SLC25A32: variants seen among roughly 807,000 people sequenced by gnomAD.
SLC25A32 encodes the protein solute carrier family 25 member 32.
In SLC25A32, 32 loss-of-function variants were observed where a neutral mutation model predicts 39.0. That is an observed-to-expected ratio of 0.82 (90% CI 0.62 to 1.10). SLC25A32 has a LOEUF of 1.10. SLC25A32 is among the 50% of genes least tolerant of loss of function. SLC25A32 has a pLI of 0.00. For missense variants in SLC25A32, 367 were observed against 395.3 expected (o/e 0.93, Z 0.61); for synonymous variants, 166 against 152.4 (o/e 1.09, Z -0.66).
At chr8:103,402,103 C>T (rs1586110694) in intron 4 of SLC25A32, 49 bp from the exon 5 acceptor site, 1 of 1,251,532 alleles carries the variant, frequency 8.0e-7, no homozygotes, top group South Asian at 1.4e-5. Context: ...GTTTGAAGAA[C>T]AATATATTTA....
In SLC25A32 at chr8:103,404,825, T is replaced by A. The variant is rs1282520980; in HGVS notation, c.342A>T (p.Arg114Ser). The change falls in exon 3 of 7, where the codon AGA becomes AGT. Residue 114 changes from arginine to serine, a missense_variant. Coordinates refer to ENST00000297578, the MANE Select transcript of SLC25A32 (RefSeq NM_030780.5). ...ATTCTGTTGCCTCTAAACGTTCAGCTCTTCCTTCTGTTTTATATGACTTGA... is the reference window on the plus strand; with the variant it reads ...ATTCTGTTGCCTCTAAACGTTCAGCACTTCCTTCTGTTTTATATGACTTGA... ...NAIKSYKTEG[R>S]AERLEATEYL... 1 of 1,613,360 alleles carries A rather than the reference T, an allele frequency of 6.2e-7. No individual in the cohort carries two copies. The highest frequency in any genetic ancestry group is 1.1e-5 in the South Asian group (1 of 91,048).
At chr8:103,411,546 C>G (rs1157322426) in intron 1 of SLC25A32, among the ~76,000 whole-genome samples, 2 of 152,164 alleles carry the variant, frequency 1.3e-5, no homozygotes, top group Non-Finnish European at 2.9e-5. Flanking sequence ...TTAGGAACCC[C>G]TTAATACACC....
At chr8:103,414,652 G>A (rs1028800984) in intron 1 of SLC25A32, 132 bp downstream of exon 1, 2 of 1,311,016 alleles carry the variant, frequency 1.5e-6, no homozygotes, top group Non-Finnish European at 2.1e-6. Flanking sequence ...CTCAAATCTA[G>A]TTCAGGTTAG....
chr8:103,411,543 C>T (rs1434563170), intron 1 of SLC25A32, among the ~76,000 whole-genome samples: 4 of 152,154 alleles, frequency 2.6e-5, no homozygotes, highest in Non-Finnish European at 4.4e-5. Flanking sequence ...TTCTTAGGAA[C>T]CCCTTAATAC....
chr8:103,407,530 T>C, intron 2 of SLC25A32, 104 bp downstream of exon 2: 1 of 947,096 alleles, frequency 1.1e-6, no homozygotes, highest in Non-Finnish European at 1.5e-6. Flanking sequence ...TCAGAGAAAC[T>C]GATTAAATGA....
intron 1 of SLC25A32, 132 bp downstream of exon 1, chr8:103,414,652 G>C (rs1028800984): frequency 7.6e-7 from 1 of 1,311,016 alleles, no homozygotes; most frequent in African/African-American, 1.5e-5. Flanking sequence ...CTCAAATCTA[G>C]TTCAGGTTAG....
chr8:103,400,229 A>G lies in SLC25A32; in HGVS notation c.*182T>C, dbSNP rs150587243. On this transcript the variant is annotated 3_prime_UTR_variant, in exon 7 of 7. Transcript: ENST00000297578. ...GCAGAGGTAGCCAAGTTCCATATAT[A>G]TGGGGAAGGCAAAAAGCAAGAAAAA... 5 of 546,864 alleles carry G rather than the reference A, an allele frequency of 9.1e-6. No individual in the cohort carries two copies. Among genetic ancestry groups the G allele is most frequent in the South Asian group, 4.5e-5 (2 of 44,758 alleles). The allele number at this position is 546,864 out of a possible 1,614,324, so 33.9% of individuals were successfully genotyped here. A position where few individuals can be genotyped will look rare whatever the true frequency, so the allele number is the denominator to read the frequency against.
At chr8:103,411,920 C>T (rs979747210) in intron 1 of SLC25A32, among the ~76,000 whole-genome samples, 7 of 152,186 alleles carry the variant, frequency 4.6e-5, no homozygotes, top group Admixed American at 1.3e-4. Flanking sequence ...TTTAGCTATA[C>T]CAAACTACCC....
intron 3 of SLC25A32, among the ~76,000 whole-genome samples, 159 bp from the exon 4 acceptor site, chr8:103,403,483 G>C (rs1816264199): frequency 6.6e-6 from 1 of 151,190 alleles, no homozygotes. Context: ...CTGAGGCACA[G>C]TCTTAGGGTC....
In SLC25A32 at chr8:103,403,307, T is replaced by G; in HGVS notation, c.409A>C (p.Ile137Leu). The change falls in exon 4 of 7, where the codon ATT becomes CTT. Residue 137 changes from isoleucine to leucine, a missense_variant. Ile to Leu is a conservative substitution (Grantham distance 5). Coordinates refer to ENST00000297578, the MANE Select transcript of SLC25A32 (RefSeq NM_030780.5). Reference protein sequence around the residue: ...AAEAGAMTLCITNPLWVTKTR... With the variant: ...AAEAGAMTLCLTNPLWVTKTR... ...TTTGTTACCCATAATGGGTTTGTAA[T>G]GCAGAGGGTCATGGCTCCTAAAATG... 1 of 1,609,872 alleles carries G rather than the reference T, an allele frequency of 6.2e-7. No individual in the cohort carries two copies. Among genetic ancestry groups the G allele is most frequent in the South Asian group, 1.1e-5 (1 of 90,576 alleles).
chr8:103,405,833 C>G (rs1816318527), intron 2 of SLC25A32, among the ~76,000 whole-genome samples: 1 of 151,816 alleles, frequency 6.6e-6, no homozygotes, highest in Non-Finnish European at 1.5e-5. Flanking sequence ...CAGACTAATT[C>G]TTTTTTAAAT....
At chr8:103,411,788 A>AC (rs1331463976) in intron 1 of SLC25A32, among the ~76,000 whole-genome samples, 1 of 152,214 alleles carries the variant, frequency 6.6e-6, no homozygotes, top group Non-Finnish European at 1.5e-5. Flanking sequence ...ATCCTGCCCT[A>AC]CTAAGGGTTG....
chr8:103,407,841 T>C (rs547006991), intron 1 of SLC25A32, 57 bp from the exon 2 acceptor site: 2 of 1,469,804 alleles, frequency 1.4e-6, no homozygotes, highest in Non-Finnish European at 1.9e-6. Context: ...CTGTATCACA[T>C]ATAAACACAG....
chr8:103,400,447 T>C lies in SLC25A32; in HGVS notation c.912A>G (p.Ser304=), dbSNP rs1436244556. 5.0e-6 allele frequency: 8 copies of C among 1,614,076 alleles called. No homozygotes were observed. Among genetic ancestry groups the C allele is most frequent in the African/African-American group, 1.3e-5 (1 of 74,952 alleles). ...CITFVVYENV[S]HFLLDLREKR... ...TTTCTCTAAGGTCAAGTAAAAAATG[T>C]GAGACGTTTTCATATACCACAAAGG... Residue 304 remains serine (S), a synonymous_variant, in exon 7 of 7, where the codon TCA becomes TCG. Coordinates refer to ENST00000297578, the MANE Select transcript of SLC25A32 (RefSeq NM_030780.5).
chr8:103,415,015 C>T lies in SLC25A32; in HGVS notation c.-78G>A, dbSNP rs752932122. ...GATGCAGTGGCCGCCACCGTGGCGA[C>T]GGTCGCCCCTTGTGAGCGCAACCCC... On this transcript the variant is annotated 5_prime_UTR_variant, in exon 1 of 7. Coordinates refer to ENST00000297578, the MANE Select transcript of SLC25A32 (RefSeq NM_030780.5). The T allele has an allele frequency of 2.5e-6, 4 of 1,589,638 alleles. No homozygotes were observed. Among genetic ancestry groups the T allele is most frequent in the South Asian group, 1.1e-5 (1 of 88,598 alleles).
In SLC25A32 at chr8:103,402,053, C is replaced by T; in HGVS notation, c.554G>A (p.Gly185Glu). 6.2e-7 allele frequency: 1 copy of T among 1,600,518 alleles called. No homozygotes were observed. The highest frequency in any genetic ancestry group is 8.5e-7 in the Non-Finnish European group (1 of 1,172,968). ...KYEGVRGLYKGFVPGLFGTSH... is the reference protein window; with the variant it reads ...KYEGVRGLYKEFVPGLFGTSH... ...TGTTCCAAACAGCCCAGGAACAAAT[C>T]CCTACAAGGGAATGATTTTTAAAAA... Residue 185 changes from glycine (G) to glutamate (E), a missense_variant and splice_region_variant, in exon 5 of 7, where the codon GGA (glycine) becomes GAA (glutamate). By Grantham distance (98) the Gly-to-Glu change is moderately conservative (BLOSUM62 -2). Transcript: ENST00000297578.
chr8:103,401,810 T>C (rs1816224567), intron 5 of SLC25A32, 131 bp downstream of exon 5: 1 of 963,232 alleles, frequency 1.0e-6, no homozygotes, highest in Admixed American at 3.0e-5. Context: ...AATATTTAAC[T>C]ATAAATTAAA....
At chr8:103,404,243 T>G (rs1394550710) in intron 3 of SLC25A32, among the ~76,000 whole-genome samples, 1 of 152,108 alleles carries the variant, frequency 6.6e-6, no homozygotes, top group African/African-American at 2.4e-5. Flanking sequence ...TTTACCACTT[T>G]GTCATGAGTA....
Position 103,399,607 on chromosome 8 carries a change from T to C in SLC25A32, c.*804A>G, listed in dbSNP as rs928993932. ...ATTTTTTCTCACTAAAATTTCCCAATTCTAAAATGGTCTGGCCAGGCGCAG... is the reference window on the plus strand; with the variant it reads ...ATTTTTTCTCACTAAAATTTCCCAACTCTAAAATGGTCTGGCCAGGCGCAG... On this transcript the variant is annotated 3_prime_UTR_variant, in exon 7 of 7. Transcript: ENST00000297578. 2 of 152,182 alleles carry C rather than the reference T, an allele frequency of 1.3e-5. No individual in the cohort carries two copies. Among genetic ancestry groups the C allele is most frequent in the African/African-American group, 4.8e-5 (2 of 41,456 alleles). 9.4% of individuals were successfully genotyped at this position (152,182 alleles called of 1,614,324 possible).
Sources: gnomAD v4.1 joint callset for allele counts (sites outside exome capture counted in the v4.1 genomes callset) on GRCh38, gnomAD v4.1.1 for gene constraint, MANE v1.5 for transcripts, NCBI Gene and HGNC (gene_info 2026-07-23, HGNC 2026-07-21) for gene names.